KDM4C: variants seen among roughly 807,000 people sequenced by gnomAD.
The protein encoded by KDM4C is lysine-specific demethylase 4C.
In KDM4C, 81 loss-of-function variants were observed where a neutral mutation model predicts 129.3. The ratio of observed to expected loss-of-function variants is 0.63; its 90% CI spans 0.52 to 0.75. The LOEUF (loss-of-function observed/expected upper bound fraction) is 0.75. Among genes scored for constraint, KDM4C ranks in the 30% least tolerant of loss-of-function variants. The pLI, the probability that KDM4C is intolerant of heterozygous loss-of-function variation, is 0.00. For missense variants in KDM4C, 1,457 were observed against 1,304.0 expected (o/e 1.12, Z -1.81); for synonymous variants, 573 against 456.1 (o/e 1.26, Z -3.26).
chr9:6,777,075 C>A (rs1261636556), intron 1 of KDM4C, among the ~76,000 whole-genome samples: 7 of 152,142 alleles, frequency 4.6e-5, no homozygotes, highest in Admixed American at 1.3e-4. Flanking sequence ...CATCCCCTAC[C>A]CCCAAGTAAG....
In KDM4C at chr9:6,998,126, C is replaced by G. The variant is rs144789413; in HGVS notation, c.1786+7602C>G. Among the ~76,000 whole-genome samples the G allele has an allele frequency of 3.9e-3, 599 of 152,324 alleles. 3 individuals are homozygous for G. The highest frequency in any genetic ancestry group is 6.8e-3 in the Middle Eastern group (2 of 294). The stretch of plus-strand genomic sequence containing the variant: ...TGCACTACTGTAATGAGCTGTTAAG[C>G]ATCTTTTTGAAATTAAAGACAGCTT... On this transcript the variant is annotated intron_variant, in intron 12 of 21. Transcript: ENST00000381309.
chr9:7,041,696 A>G (rs1828633994), intron 15 of KDM4C, among the ~76,000 whole-genome samples: 1 of 151,900 alleles, frequency 6.6e-6, no homozygotes, highest in Non-Finnish European at 1.5e-5. Context: ...TCTGATTTAT[A>G]TTTGAGCTGG....
rs1239635649 is a variant in KDM4C, at chr9:6,832,419, CT to C, written c.436-17080del. Reference sequence around the variant, plus strand: ...TAAAGTAGTATAGATTATTCTTTTTCTTTTTTTTCTTTTTTTTTTTTTTTGA... The same window carrying C: ...TAAAGTAGTATAGATTATTCTTTTTCTTTTTTTCTTTTTTTTTTTTTTTGA... On this transcript the variant is annotated intron_variant, in intron 4 of 21. Coordinates refer to ENST00000381309, the MANE Select transcript of KDM4C (RefSeq NM_015061.6). 2.1e-5 allele frequency among the ~76,000 whole-genome samples: 3 copies of C among 145,434 alleles called. 1 individual carries two copies. The highest frequency in any genetic ancestry group is 4.5e-5 in the Non-Finnish European group (3 of 66,476).
At chr9:6,891,211 A>G (rs1846074067) in intron 7 of KDM4C, among the ~76,000 whole-genome samples, 1 of 152,148 alleles carries the variant, frequency 6.6e-6, no homozygotes, top group South Asian at 2.1e-4. Context: ...GGCATGGACA[A>G]TTATCCATAG....
intron 17 of KDM4C, among the ~76,000 whole-genome samples, chr9:7,103,028 A>T (rs1837278056): frequency 2.6e-5 from 4 of 152,150 alleles, no homozygotes; most frequent in Non-Finnish European, 5.9e-5. Flanking sequence ...TCTCTTCCCC[A>T]GGCATCATCA....
At chr9:7,135,208 G>C (rs1235183093) in intron 19 of KDM4C, among the ~76,000 whole-genome samples, 1 of 152,038 alleles carries the variant, frequency 6.6e-6, no homozygotes, top group Non-Finnish European at 1.5e-5. Flanking sequence ...TCCCATGCAG[G>C]AGATTCAGTA....
At chr9:7,000,783 A>G (rs1218646560) in intron 12 of KDM4C, among the ~76,000 whole-genome samples, 1 of 152,150 alleles carries the variant, frequency 6.6e-6, no homozygotes, top group Non-Finnish European at 1.5e-5. Flanking sequence ...CTTATAGACC[A>G]CCGAATTAGC....
chr9:6,793,665 G>A (rs1345639575), intron 2 of KDM4C, among the ~76,000 whole-genome samples: 1 of 150,984 alleles, frequency 6.6e-6, no homozygotes. Context: ...TCAGCCTCCC[G>A]AAGTAGCTGG....
At chr9:6,871,098 A>G (rs1442085930) in intron 5 of KDM4C, among the ~76,000 whole-genome samples, 1 of 152,214 alleles carries the variant, frequency 6.6e-6, no homozygotes, top group Non-Finnish European at 1.5e-5. Flanking sequence ...AAAAAACAAT[A>G]GGGAATTTTG....
intron 19 of KDM4C, among the ~76,000 whole-genome samples, chr9:7,162,039 G>C (rs1316682413): frequency 6.6e-6 from 1 of 152,138 alleles, no homozygotes. Context: ...AGTAAATACT[G>C]AATTTTACAT....
chr9:7,010,481 G>A (rs1431874747), intron 12 of KDM4C, among the ~76,000 whole-genome samples: 1 of 152,196 alleles, frequency 6.6e-6, no homozygotes, highest in Non-Finnish European at 1.5e-5. Flanking sequence ...AACATGGGAA[G>A]GGCTGGAACA....
At chr9:6,737,286 C>G (rs1173373897) in intron 1 of KDM4C, among the ~76,000 whole-genome samples, 1 of 151,822 alleles carries the variant, frequency 6.6e-6, no homozygotes, top group Non-Finnish European at 1.5e-5. Flanking sequence ...ACTATGCATC[C>G]AACAAAGGTC....
intron 12 of KDM4C, among the ~76,000 whole-genome samples, chr9:7,003,364 G>A (rs1317034152): frequency 7.3e-5 from 11 of 151,320 alleles, no homozygotes; most frequent in Admixed American, 7.2e-4. Flanking sequence ...AGAAACTTCA[G>A]CCACGCTGGT....
chr9:7,008,505 T>C (rs1478683507), intron 12 of KDM4C, among the ~76,000 whole-genome samples: 4 of 152,192 alleles, frequency 2.6e-5, no homozygotes. Flanking sequence ...GTCTAGGATG[T>C]AGAGCAGCAC....
rs189099950 is a variant in KDM4C, at chr9:6,973,595, T to C, written c.922-7330T>C. Among the ~76,000 whole-genome samples, 64 of 152,316 alleles carry C rather than the reference T, an allele frequency of 4.2e-4. 1 individual carries two copies. The South Asian group carries it at 4.6e-3, about 11-fold the overall frequency. ...GTATGACATATAGCATTTAAAAATA[T>C]GGTAACCTAGAATTTATTTGAAAAT... On this transcript the variant is annotated intron_variant, in intron 8 of 21. Transcript: ENST00000381309.
intron 12 of KDM4C, among the ~76,000 whole-genome samples, chr9:7,010,983 G>A (rs1822577492): frequency 6.6e-6 from 1 of 152,154 alleles, no homozygotes; most frequent in Non-Finnish European, 1.5e-5. Flanking sequence ...GGCGGTGGTT[G>A]CAGTGAGCTG....
chr9:7,149,306 C>T (rs1237215917), intron 19 of KDM4C, among the ~76,000 whole-genome samples: 1 of 152,226 alleles, frequency 6.6e-6, no homozygotes, highest in Non-Finnish European at 1.5e-5. Context: ...CAACTTTGTT[C>T]CACTGCAGAG....
intron 5 of KDM4C, among the ~76,000 whole-genome samples, chr9:6,875,717 G>C (rs1237222208): frequency 6.6e-6 from 1 of 152,158 alleles, no homozygotes; most frequent in African/African-American, 2.4e-5. Flanking sequence ...TGAGATCCAT[G>C]TGTCAGAATC....
rs60757839 is a variant in KDM4C, at chr9:6,736,827, G to T, written c.49+15830G>T. Among the ~76,000 whole-genome samples, 1,445 of 152,116 alleles carry T rather than the reference G, an allele frequency of 9.5e-3. 21 individuals are homozygous for T. Among genetic ancestry groups the T allele is most frequent in the African/African-American group, 0.033 (1,375 of 41,498 alleles). ...GAACTTTTGGAGGCCTAGTCTGGGG[G>T]ATCACTTGAGACCAGGAGTTCAAGA... is the stretch of plus-strand genomic sequence containing the variant. On this transcript the variant is annotated intron_variant, in intron 1 of 17. Transcript: ENST00000536108.
Sources: gnomAD v4.1 joint callset for allele counts (sites outside exome capture counted in the v4.1 genomes callset) on GRCh38, gnomAD v4.1.1 for gene constraint, MANE v1.5 for transcripts, NCBI Gene and HGNC (gene_info 2026-07-23, HGNC 2026-07-21) for gene names.